Variants in DPP10 observed in about 807,000 individuals in gnomAD.
DPP10 encodes the protein dipeptidyl peptidase like 10.
A neutral mutation model predicts 120.9 loss-of-function variants in DPP10; 33 were observed. The observed-to-expected ratio is 0.27, with a 90% CI of 0.21 to 0.37. DPP10 has a LOEUF of 0.37. Ranked by LOEUF, DPP10 falls within the 10% of genes least tolerant of loss-of-function variation. The pLI, the probability that DPP10 is intolerant of heterozygous loss-of-function variation, is 1.00. For synonymous variants in DPP10, 337 were observed against 326.1 expected (o/e 1.03, Z -0.36); for missense variants, 816 against 942.8 (o/e 0.87, Z 1.76).
intron 1 of DPP10, among the ~76,000 whole-genome samples, chr2:114,818,863 T>C (rs1006274555): frequency 6.6e-6 from 1 of 152,174 alleles, no homozygotes; most frequent in East Asian, 1.9e-4. Flanking sequence ...GCCAATGCCA[T>C]TCCCTAATAA....
intron 11 of DPP10, among the ~76,000 whole-genome samples, chr2:115,756,432 G>T (rs918475297): frequency 4.6e-5 from 7 of 151,832 alleles, no homozygotes; most frequent in Admixed American, 2.0e-4. Context: ...TATCAAAATA[G>T]CACTCTGTAT....
At chr2:114,548,106 T>G (rs1687574128) in intron 1 of DPP10, among the ~76,000 whole-genome samples, 1 of 152,184 alleles carries the variant, frequency 6.6e-6, no homozygotes. Context: ...CCAGCTCACC[T>G]TTAGCAGGGT....
chr2:115,222,653 C>G (rs957955006), intron 1 of DPP10, among the ~76,000 whole-genome samples: 3 of 151,934 alleles, frequency 2.0e-5, no homozygotes, highest in Non-Finnish European at 1.5e-5. Context: ...TGAAAATGGA[C>G]AAATACAGTA....
chr2:115,711,403 G>A (rs891879269), intron 7 of DPP10, among the ~76,000 whole-genome samples: 2 of 152,192 alleles, frequency 1.3e-5, no homozygotes, highest in Non-Finnish European at 2.9e-5. Flanking sequence ...CAGTGGCTAC[G>A]TATTTGCAGA....
chr2:114,872,552 C>T (rs181589053), intron 1 of DPP10, among the ~76,000 whole-genome samples: 1 of 152,268 alleles, frequency 6.6e-6, no homozygotes, highest in African/African-American at 2.4e-5. Flanking sequence ...CTTTATAGTG[C>T]CAAGTGAGTT....
At chr2:115,108,603 G>A (rs1344497706) in intron 1 of DPP10, among the ~76,000 whole-genome samples, 1 of 152,064 alleles carries the variant, frequency 6.6e-6, no homozygotes, top group African/African-American at 2.4e-5. Context: ...AAACCTGTGT[G>A]GGGATCTAGT....
At chr2:115,766,214 G>A (rs1001939222) in intron 12 of DPP10, among the ~76,000 whole-genome samples, 2 of 149,888 alleles carry the variant, frequency 1.3e-5, no homozygotes, top group African/African-American at 2.5e-5. Context: ...GCCATTACAC[G>A]GTAGGTCGCA....
intron 1 of DPP10, among the ~76,000 whole-genome samples, chr2:114,478,842 A>G (rs1033988896): frequency 6.6e-6 from 1 of 152,172 alleles, no homozygotes; most frequent in Non-Finnish European, 1.5e-5. Flanking sequence ...AGAAATTGCA[A>G]TCTATTTGTG....
intron 1 of DPP10, among the ~76,000 whole-genome samples, chr2:114,995,770 C>G (rs1309350980): frequency 1.3e-5 from 2 of 152,128 alleles, no homozygotes; most frequent in Non-Finnish European, 2.9e-5. Context: ...TAGGTCTGGA[C>G]AAAGTCTAAT....
chr2:115,213,247 A>G (rs1338918702), intron 1 of DPP10, among the ~76,000 whole-genome samples: 1 of 152,182 alleles, frequency 6.6e-6, no homozygotes, highest in African/African-American at 2.4e-5. Flanking sequence ...AATGAGTAAA[A>G]GACATACCTT....
At chr2:115,297,707 T>A (rs997930598) in intron 1 of DPP10, among the ~76,000 whole-genome samples, 1 of 152,082 alleles carries the variant, frequency 6.6e-6, no homozygotes, top group African/African-American at 2.4e-5. Flanking sequence ...GCTGCAAATA[T>A]GATCCTTCTG....
At chr2:115,126,547 G>A (rs987153170) in intron 1 of DPP10, among the ~76,000 whole-genome samples, 2 of 152,140 alleles carry the variant, frequency 1.3e-5, no homozygotes, top group East Asian at 1.9e-4. Flanking sequence ...AGTATCACCT[G>A]GATAAGAATT....
chr2:114,550,870 G>A (rs1006806118), intron 1 of DPP10, among the ~76,000 whole-genome samples: 10 of 152,124 alleles, frequency 6.6e-5, no homozygotes, highest in Admixed American at 3.3e-4. Context: ...TGGTGCAAAT[G>A]GTCTTTCAAT....
chr2:115,052,604 G>A (rs1028200749), intron 1 of DPP10, among the ~76,000 whole-genome samples: 2 of 152,104 alleles, frequency 1.3e-5, no homozygotes, highest in Non-Finnish European at 2.9e-5. Context: ...TTAGAGAAAT[G>A]CAAATCAAAA....
intron 5 of DPP10, among the ~76,000 whole-genome samples, chr2:115,669,755 G>C (rs571245115): frequency 1.3e-5 from 2 of 152,046 alleles, no homozygotes; most frequent in Non-Finnish European, 2.9e-5. Context: ...TAGTTACATA[G>C]CCATTGTATC....
intron 5 of DPP10, among the ~76,000 whole-genome samples, chr2:115,587,161 G>T (rs1056040549): frequency 1.5e-5 from 2 of 131,472 alleles, no homozygotes; most frequent in East Asian, 2.5e-4. Flanking sequence ...CCAGTGGCAC[G>T]ATCTTGGCTC....
intron 1 of DPP10, among the ~76,000 whole-genome samples, chr2:115,122,553 G>A (rs1442284788): frequency 6.6e-6 from 1 of 152,244 alleles, no homozygotes; most frequent in East Asian, 1.9e-4. Flanking sequence ...GGTCCAATTA[G>A]TGTGTGTCCT....
At position 115,258,897 on chromosome 2, in the gene DPP10, A is replaced by G. The variant is rs557040257; in HGVS notation, c.61-50342A>G. On this transcript the variant is annotated intron_variant, in intron 1 of 25. Transcript: ENST00000410059. The stretch of plus-strand genomic sequence containing the variant: ...GAGTGAGGCCCTCTCTCAAAAAGTA[A>G]ATAAAAAATAAATAATTGTGCTTAC... Among the ~76,000 whole-genome samples the G allele has an allele frequency of 2.0e-3, 304 of 152,288 alleles. 1 individual carries two copies. The highest frequency in any genetic ancestry group is 6.8e-3 in the Middle Eastern group (2 of 294).
intron 1 of DPP10, among the ~76,000 whole-genome samples, chr2:114,851,827 A>G (rs1364421517): frequency 6.6e-6 from 1 of 152,174 alleles, no homozygotes; most frequent in Admixed American, 6.5e-5. Context: ...TTGCACACGC[A>G]TTGCAAGGAG....
Sources: allele counts gnomAD v4.1 joint callset (sites outside exome capture counted in the v4.1 genomes callset), GRCh38; gene constraint gnomAD v4.1.1; transcripts MANE v1.5; gene names NCBI Gene and HGNC (gene_info 2026-07-23, HGNC 2026-07-21).